Variants in GLIS3 observed in about 807,000 individuals in gnomAD.
GLIS3 encodes GLIS family zinc finger 3, also known as zinc finger protein GLIS3.
GLIS3 carries 53 observed loss-of-function variants against 78.6 expected under a neutral mutation model. The observed-to-expected ratio is 0.67, with a 90% CI of 0.54 to 0.85. The LOEUF (loss-of-function observed/expected upper bound fraction) is 0.85. GLIS3 is among the 40% of genes least tolerant of loss of function. The pLI, the probability that GLIS3 is intolerant of heterozygous loss-of-function variation, is 0.00. For missense variants in GLIS3, 1,703 were observed against 1,231.1 expected (o/e 1.38, Z -5.74); for synonymous variants, 684 against 509.9 (o/e 1.34, Z -4.60).
At chr9:4,154,343 C>T (rs1035025151) in intron 2 of GLIS3, among the ~76,000 whole-genome samples, 2 of 152,110 alleles carry the variant, frequency 1.3e-5, no homozygotes, top group South Asian at 2.1e-4. Context: ...AAAAGACAAT[C>T]AGCCATAATA....
intron 2 of GLIS3, among the ~76,000 whole-genome samples, chr9:4,277,450 T>G (rs1311864056): frequency 3.3e-5 from 5 of 152,206 alleles, no homozygotes; most frequent in African/African-American, 1.2e-4. Flanking sequence ...ACTTCCCAGG[T>G]TCTCACAATA....
intron 2 of GLIS3, among the ~76,000 whole-genome samples, chr9:4,258,382 G>A (rs1276463608): frequency 6.6e-6 from 1 of 152,120 alleles, no homozygotes; most frequent in Non-Finnish European, 1.5e-5. Context: ...GGTAATTTAG[G>A]TCATATTGGT....
chr9:4,484,174 G>T, the GLIS3 span, among the ~76,000 whole-genome samples: 74,766 of 151,766 alleles, frequency 0.49, 18,679 homozygotes, highest in East Asian at 0.7. Flanking sequence ...GACTCTACTT[G>T]GCTTCTAACC....
At chr9:4,190,097 A>G (rs1225236060) in intron 2 of GLIS3, among the ~76,000 whole-genome samples, 1 of 152,182 alleles carries the variant, frequency 6.6e-6, no homozygotes, top group East Asian at 1.9e-4. Context: ...ACAGAACAGA[A>G]AAACTGGAAA....
At chr9:4,386,641 A>G in the GLIS3 span, 2 of 152,218 alleles carry the variant, frequency 1.3e-5, no homozygotes, top group African/African-American at 2.4e-5. Flanking sequence ...GTCCCGTTAC[A>G]GAATTTTTGG....
intron 4 of GLIS3, among the ~76,000 whole-genome samples, chr9:4,038,477 A>C (rs1398747394): frequency 6.6e-6 from 1 of 152,260 alleles, no homozygotes; most frequent in Admixed American, 6.5e-5. Context: ...AGAAATGACC[A>C]CTTGTAAAGA....
intron 2 of GLIS3, among the ~76,000 whole-genome samples, chr9:4,180,788 C>T (rs911885864): frequency 2.0e-5 from 3 of 152,198 alleles, no homozygotes; most frequent in African/African-American, 7.2e-5. Flanking sequence ...CCATCCCAAA[C>T]TGAGGAGCGG....
chr9:3,989,015 C>T (rs1000081286), intron 4 of GLIS3, among the ~76,000 whole-genome samples: 4 of 151,926 alleles, frequency 2.6e-5, no homozygotes, highest in South Asian at 2.1e-4. Context: ...ATCCAACTAA[C>T]GACCAGTAAA....
chr9:4,314,264 A>G (rs1171271864), intron 2 of GLIS3, among the ~76,000 whole-genome samples: 1 of 152,028 alleles, frequency 6.6e-6, no homozygotes, highest in Non-Finnish European at 1.5e-5. Flanking sequence ...TAATGGCAGG[A>G]TCAGAATTAG....
chr9:4,472,809 T>C, the GLIS3 span, among the ~76,000 whole-genome samples: 2 of 152,148 alleles, frequency 1.3e-5, no homozygotes, highest in Non-Finnish European at 2.9e-5. Context: ...TTTATATATA[T>C]ATAAAATCAG....
At chr9:4,443,279 T>C in the GLIS3 span, among the ~76,000 whole-genome samples, 2 of 152,226 alleles carry the variant, frequency 1.3e-5, no homozygotes, top group Admixed American at 1.3e-4. Context: ...TGTTTGTTCA[T>C]TTCTGATAAA....
intron 4 of GLIS3, among the ~76,000 whole-genome samples, chr9:4,024,563 C>T (rs887132358): frequency 1.3e-5 from 2 of 152,120 alleles, no homozygotes; most frequent in South Asian, 4.1e-4. Flanking sequence ...TCCTGTTTTT[C>T]ACAATGATTT....
the GLIS3 span, among the ~76,000 whole-genome samples, chr9:4,383,246 T>G: frequency 3.3e-5 from 5 of 152,350 alleles, no homozygotes; most frequent in Admixed American, 2.0e-4. Flanking sequence ...AAAAAACGCT[T>G]AACGAATTTG....
chr9:4,132,799 A>AAC (rs1256830974), intron 2 of GLIS3, among the ~76,000 whole-genome samples: 1 of 152,198 alleles, frequency 6.6e-6, no homozygotes, highest in Non-Finnish European at 1.5e-5. Flanking sequence ...GGTTCAACCT[A>AAC]ACACACACAC....
rs371286709 is a variant in GLIS3, at chr9:4,168,178, T to TAC, written c.389-42239_389-42238dup. ...TATCTTCTCTCTCTTCTCTCTCTCTTACACACACACACACAGACGCACACA... is the reference window on the plus strand; with the variant it reads ...TATCTTCTCTCTCTTCTCTCTCTCTTACACACACACACACACAGACGCACACA... On this transcript the variant is annotated intron_variant, in intron 2 of 10. Transcript: ENST00000381971. Among the ~76,000 whole-genome samples, 508 of 150,880 alleles carry TAC rather than the reference T, an allele frequency of 3.4e-3. 9 individuals carry two copies. Among genetic ancestry groups the TAC allele is most frequent in the South Asian group, 0.027 (129 of 4,780 alleles).
the GLIS3 span, among the ~76,000 whole-genome samples, chr9:4,427,942 C>T: frequency 6.6e-6 from 1 of 151,782 alleles, no homozygotes; most frequent in Non-Finnish European, 1.5e-5. Context: ...ACCCAGACCA[C>T]TGAGTTGACA....
intron 2 of GLIS3, among the ~76,000 whole-genome samples, chr9:4,149,718 G>T (rs1220332096): frequency 6.6e-6 from 1 of 152,064 alleles, no homozygotes; most frequent in Non-Finnish European, 1.5e-5. Flanking sequence ...AAATTCATTT[G>T]TTATCTCACT....
At chr9:4,018,613 C>T (rs989990455) in intron 4 of GLIS3, among the ~76,000 whole-genome samples, 2 of 152,110 alleles carry the variant, frequency 1.3e-5, no homozygotes, top group African/African-American at 4.8e-5. Flanking sequence ...GAGGGTGACA[C>T]AGAGTAGTTT....
chr9:4,121,372 G>A (rs1010238640), intron 3 of GLIS3, among the ~76,000 whole-genome samples: 2 of 152,078 alleles, frequency 1.3e-5, no homozygotes, highest in African/African-American at 4.8e-5. Context: ...TTTAACAGAA[G>A]GGATCATTTT....
Sources: allele counts gnomAD v4.1 joint callset (sites outside exome capture counted in the v4.1 genomes callset), GRCh38; gene constraint gnomAD v4.1.1; transcripts MANE v1.5; gene names NCBI Gene and HGNC (gene_info 2026-07-23, HGNC 2026-07-21).